Variants in HS3ST4 observed in about 807,000 individuals in gnomAD.
The protein encoded by HS3ST4 is heparan sulfate glucosamine 3-O-sulfotransferase 4.
In HS3ST4, 17 loss-of-function variants were observed where a neutral mutation model predicts 29.2. The ratio of observed to expected loss-of-function variants is 0.58; its 90% CI spans 0.40 to 0.87. The LOEUF is 0.87. Among genes scored for constraint, HS3ST4 ranks in the 40% least tolerant of loss-of-function variants. The pLI is 0.00. For missense variants in HS3ST4, 627 were observed against 634.5 expected (o/e 0.99, Z 0.13); for synonymous variants, 314 against 285.7 (o/e 1.10, Z -1.00).
At chr16:25,828,242 C>CTGTCTTTCTG (rs1371928058) in intron 1 of HS3ST4, among the ~76,000 whole-genome samples, 1 of 75,012 alleles carries the variant, frequency 1.3e-5, no homozygotes, top group African/African-American at 5.8e-5. Flanking sequence ...TTCTTTCTTT[C>CTGTCTTTCTG]TCTTTCTTTC....
chr16:26,052,650 C>T (rs986682386), intron 1 of HS3ST4, among the ~76,000 whole-genome samples: 2 of 152,124 alleles, frequency 1.3e-5, no homozygotes, highest in Non-Finnish European at 2.9e-5. Context: ...GGATTACAGG[C>T]GTGAGCTACC....
intron 1 of HS3ST4, among the ~76,000 whole-genome samples, chr16:25,708,916 G>A (rs779850037): frequency 2.6e-5 from 4 of 152,074 alleles, no homozygotes; most frequent in Non-Finnish European, 5.9e-5. Flanking sequence ...ACATCTTTAA[G>A]GATAATCATT....
chr16:25,912,375 T>C (rs1193123861), intron 1 of HS3ST4, among the ~76,000 whole-genome samples: 1 of 152,286 alleles, frequency 6.6e-6, no homozygotes, highest in Admixed American at 6.5e-5. Flanking sequence ...TGTTCTCTCA[T>C]CCTGGAAGAC....
chr16:25,971,103 G>A (rs1021509319), intron 1 of HS3ST4, among the ~76,000 whole-genome samples: 1 of 151,958 alleles, frequency 6.6e-6, no homozygotes, highest in African/African-American at 2.4e-5. Flanking sequence ...TGCCCACCTC[G>A]GTCTCCCAGA....
chr16:25,917,437 T>A (rs1211834295), intron 1 of HS3ST4, among the ~76,000 whole-genome samples: 1 of 152,164 alleles, frequency 6.6e-6, no homozygotes, highest in Admixed American at 6.5e-5. Context: ...GGTCTTGAAC[T>A]CCTGACCTCC....
chr16:25,940,332 G>T (rs576502124), intron 1 of HS3ST4, among the ~76,000 whole-genome samples: 1 of 152,090 alleles, frequency 6.6e-6, no homozygotes, highest in African/African-American at 2.4e-5. Context: ...TCAGGATAAG[G>T]CATGCTAGGG....
At chr16:25,866,730 G>A (rs865887237) in intron 1 of HS3ST4, among the ~76,000 whole-genome samples, 1 of 152,130 alleles carries the variant, frequency 6.6e-6, no homozygotes. Flanking sequence ...CTAGATGACG[G>A]GTTGATAGGT....
intron 1 of HS3ST4, among the ~76,000 whole-genome samples, chr16:25,923,615 T>A (rs1043605980): frequency 6.6e-6 from 1 of 151,030 alleles, no homozygotes; most frequent in Non-Finnish European, 1.5e-5. Context: ...TTCCTCCAAA[T>A]TAAAATATAT....
At chr16:25,764,451 C>CTG (rs141712971) in intron 1 of HS3ST4, among the ~76,000 whole-genome samples, 2 of 151,876 alleles carry the variant, frequency 1.3e-5, no homozygotes, top group Non-Finnish European at 2.9e-5. Context: ...GAACCTCACC[C>CTG]TGTGTGTGTG....
At chr16:26,124,167 G>A (rs957178663) in intron 1 of HS3ST4, among the ~76,000 whole-genome samples, 5 of 152,048 alleles carry the variant, frequency 3.3e-5, no homozygotes, top group African/African-American at 1.2e-4. Flanking sequence ...TGATCCACCC[G>A]CCTCGGCCTC....
intron 1 of HS3ST4, among the ~76,000 whole-genome samples, chr16:26,086,639 A>G (rs1043351968): frequency 5.3e-5 from 8 of 152,152 alleles, no homozygotes; most frequent in Admixed American, 1.3e-4. Flanking sequence ...ATGAGCCACC[A>G]TGCCCAGCCT....
In HS3ST4 at chr16:26,020,672, G is replaced by A. The variant is rs193111584; in HGVS notation, c.735-114940G>A. 8.5e-5 allele frequency among the ~76,000 whole-genome samples: 13 copies of A among 152,296 alleles called. No homozygotes were observed. The East Asian group carries it at 2.5e-3, about 29-fold the overall frequency. ...GATTAAGAGCTTTGCTACTCTCAAG[G>A]TGTGGTTCATGAACCAGCAACATCA... On this transcript the variant is annotated intron_variant, in intron 1 of 1. Transcript: ENST00000331351.
At position 25,779,641 on chromosome 16, in the gene HS3ST4, T is replaced by C. The variant is rs574465936; in HGVS notation, c.734+86490T>C. On this transcript the variant is annotated intron_variant, in intron 1 of 1. Coordinates refer to ENST00000331351, the MANE Select transcript of HS3ST4 (RefSeq NM_006040.3). ...TGTGCTAAAGACCACTTTTCAGATA[T>C]TCTGAACAAAATCTACTTTTCTTGA... Among the ~76,000 whole-genome samples, 7 of 152,330 alleles carry C rather than the reference T, an allele frequency of 4.6e-5. No homozygotes were observed. In the South Asian group the frequency reaches 1.4e-3, roughly 32 times the overall value.
chr16:25,845,424 G>A (rs934648657), intron 1 of HS3ST4, among the ~76,000 whole-genome samples: 3 of 151,976 alleles, frequency 2.0e-5, no homozygotes, highest in African/African-American at 4.8e-5. Context: ...CAGGAGAATC[G>A]CTTGAACCTG....
chr16:25,969,295 A>G (rs181113388), intron 1 of HS3ST4, among the ~76,000 whole-genome samples: 2 of 152,328 alleles, frequency 1.3e-5, no homozygotes, highest in Non-Finnish European at 2.9e-5. Context: ...TTGGAGCAAA[A>G]CATGGGGCAG....
At chr16:25,715,212 C>T (rs1321331624) in intron 1 of HS3ST4, among the ~76,000 whole-genome samples, 1 of 151,716 alleles carries the variant, frequency 6.6e-6, no homozygotes, top group Non-Finnish European at 1.5e-5. Flanking sequence ...GTCCCAGCTA[C>T]TCGGGAGGCT....
intron 1 of HS3ST4, among the ~76,000 whole-genome samples, chr16:25,969,770 C>T (rs1256543887): frequency 1.3e-5 from 2 of 152,216 alleles, no homozygotes; most frequent in East Asian, 1.9e-4. Context: ...AAGGGCCGCC[C>T]ATGGCATGAA....
In HS3ST4 at chr16:25,877,402, G is replaced by A. The variant is rs919767782; in HGVS notation, c.734+184251G>A. Among the ~76,000 whole-genome samples, 13 of 152,286 alleles carry A rather than the reference G, an allele frequency of 8.5e-5. No individual in the cohort carries two copies. The South Asian group carries it at 2.7e-3, about 32-fold the overall frequency. On this transcript the variant is annotated intron_variant, in intron 1 of 1. Transcript: ENST00000331351. ...AGACACATAGCAAAGATTTTAGAAA[G>A]AGGAATCATGTCACCCCAAGTCTTC...
At chr16:26,043,617 G>T (rs1264652033) in intron 1 of HS3ST4, among the ~76,000 whole-genome samples, 1 of 152,172 alleles carries the variant, frequency 6.6e-6, no homozygotes, top group African/African-American at 2.4e-5. Context: ...TGTGAGAATT[G>T]TAACCACAGT....
Sources: allele counts gnomAD v4.1 joint callset (sites outside exome capture counted in the v4.1 genomes callset), GRCh38; gene constraint gnomAD v4.1.1; transcripts MANE v1.5; gene names NCBI Gene and HGNC (gene_info 2026-07-23, HGNC 2026-07-21).